Variants in FCER1A observed in about 807,000 individuals in gnomAD.
The protein encoded by FCER1A is high affinity immunoglobulin epsilon receptor subunit alpha.
A neutral mutation model predicts 23.6 loss-of-function variants in FCER1A; 24 were observed. That is an observed-to-expected ratio of 1.02 (90% CI 0.74 to 1.43). The LOEUF (loss-of-function observed/expected upper bound fraction) is 1.43, where lower values mean the gene tolerates loss of function less well. FCER1A is among the 40% of genes most tolerant of loss of function. The pLI, the probability that FCER1A is intolerant of heterozygous loss-of-function variation, is 0.00. For synonymous variants in FCER1A, 121 were observed against 108.8 expected, an observed-to-expected ratio of 1.11 and a Z score of -0.70; for missense variants, 318 against 294.5, an observed-to-expected ratio of 1.08 and a Z score of -0.58.
At chr1:159,301,435 T>C (rs1652426310), upstream of FCER1A, among the ~76,000 whole-genome samples, 1 of 152,144 alleles carries the variant, frequency 6.6e-6, no homozygotes, top group Non-Finnish European at 1.5e-5. Context: ...AGGGAGATCA[T>C]GTTGGGAAAT....
At chr1:159,301,766 T>G (rs1053117197), upstream of FCER1A, among the ~76,000 whole-genome samples, 2 of 152,168 alleles carry the variant, frequency 1.3e-5, no homozygotes, top group African/African-American at 4.8e-5. Context: ...AAACAGTACA[T>G]CATATGACTA....
In FCER1A at chr1:159,307,753, C is replaced by T. The variant is rs755540332; in HGVS notation, c.595C>T (p.Arg199Cys). The T allele has an allele frequency of 4.3e-5, 68 of 1,598,050 alleles. No homozygotes were observed. The highest frequency in any genetic ancestry group is 4.9e-5 in the Non-Finnish European group (57 of 1,167,794). The part of the protein sequence containing the change: ...PLNITVIKAP[R>C]EKYWLQFFIP... ...GCATCTGTGTTCCACTACAGCTCCG[C>T]GTGAGAAGTACTGGCTACAATTTTT... The change falls in exon 5 of 5, where the codon CGT becomes TGT. Residue 199 changes from arginine to cysteine, a missense_variant. Arg to Cys is a radical substitution (Grantham distance 180). Coordinates refer to ENST00000693622, the MANE Select transcript of FCER1A (RefSeq NM_001387280.1).
upstream of FCER1A, among the ~76,000 whole-genome samples, chr1:159,286,340 AT>A (rs3051939): frequency 7.4e-5 from 11 of 149,208 alleles, no homozygotes; most frequent in Middle Eastern, 3.5e-3. Context: ...TGTCTAAATC[AT>A]TTTTTTTTTG....
At chr1:159,286,033 T>C (rs2102209969), upstream of FCER1A, among the ~76,000 whole-genome samples, 1 of 151,600 alleles carries the variant, frequency 6.6e-6, no homozygotes, top group South Asian at 2.1e-4. Flanking sequence ...CTACCAAAAA[T>C]ACAAAAATTA....
At chr1:159,300,781 C>T (rs962728883), upstream of FCER1A, among the ~76,000 whole-genome samples, 14 of 152,124 alleles carry the variant, frequency 9.2e-5, no homozygotes, top group African/African-American at 3.4e-4. Flanking sequence ...ATGCATTTTA[C>T]TTCTTTTTTA....
chr1:159,295,003 CT>C (rs1378152061), intron 1 of FCER1A, among the ~76,000 whole-genome samples: 1 of 152,068 alleles, frequency 6.6e-6, no homozygotes, highest in Non-Finnish European at 1.5e-5. Context: ...CTGAAGTTAT[CT>C]TTTTTCTCTT....
upstream of FCER1A, among the ~76,000 whole-genome samples, chr1:159,286,526 G>T (rs963143420): frequency 6.6e-6 from 1 of 152,040 alleles, no homozygotes; most frequent in African/African-American, 2.4e-5. Flanking sequence ...TAGGGACAGG[G>T]TTTCACCATG....
At position 159,304,201 on chromosome 1, in the gene FCER1A, G is replaced by A. The variant is rs1402341019; in HGVS notation, c.331+19G>A. ...TTCAGTGGTAAGTTCCAGGGATATG[G>A]AAATACAGATCTCTCATGTGAGGGA... On this transcript the variant is annotated intron_variant, in intron 3 of 4. Transcript: ENST00000693622. 6.2e-7 allele frequency: 1 copy of A among 1,609,302 alleles called. No individual in the cohort carries two copies. Among genetic ancestry groups the A allele is most frequent in the Non-Finnish European group, 8.5e-7 (1 of 1,176,462 alleles).
At chr1:159,299,822 G>A (rs895870260), upstream of FCER1A, among the ~76,000 whole-genome samples, 6 of 151,936 alleles carry the variant, frequency 3.9e-5, no homozygotes, top group African/African-American at 4.8e-5. Flanking sequence ...GTATCAGCCC[G>A]TTCTTCCAGG....
intron 1 of FCER1A, among the ~76,000 whole-genome samples, chr1:159,290,773 T>A (rs1652130097): frequency 6.6e-6 from 1 of 152,190 alleles, no homozygotes; most frequent in Non-Finnish European, 1.5e-5. Context: ...CAGTTACCTG[T>A]GCTTATATTT....
At chr1:159,296,024 C>A (rs1234018514) in intron 1 of FCER1A, among the ~76,000 whole-genome samples, 1 of 152,062 alleles carries the variant, frequency 6.6e-6, no homozygotes, top group African/African-American at 2.4e-5. Flanking sequence ...AAGAGGAGAT[C>A]AAATAACATG....
At chr1:159,300,249 G>C (rs1033460238), upstream of FCER1A, among the ~76,000 whole-genome samples, 4 of 152,022 alleles carry the variant, frequency 2.6e-5, no homozygotes, top group Non-Finnish European at 4.4e-5. Flanking sequence ...ATCTAAGTAG[G>C]AGCTATTTAG....
Position 159,303,985 on chromosome 1 carries a change from A to G in FCER1A, c.134A>G (p.Glu45Gly), listed in dbSNP as rs1652521291. The change falls in exon 3 of 5, where the codon GAG (glutamate) becomes GGG (glycine). Residue 45 changes from glutamate to glycine, a missense_variant. Transcript: ENST00000693622. ...NPPWNRIFKG[E>G]NVTLTCNGNN... is the part of the protein sequence containing the mutation. Reference sequence around the variant, plus strand: ...CCATGGAATAGAATATTTAAAGGAGAGAATGTGACTCTTACATGTAATGGG... The same window carrying G: ...CCATGGAATAGAATATTTAAAGGAGGGAATGTGACTCTTACATGTAATGGG... 6.2e-7 allele frequency: 1 copy of G among 1,612,406 alleles called. No individual in the cohort carries two copies. Among genetic ancestry groups the G allele is most frequent in the Non-Finnish European group, 8.5e-7 (1 of 1,178,430 alleles).
At chr1:159,307,316 G>T (rs1371212646) in intron 4 of FCER1A, among the ~76,000 whole-genome samples, 1 of 152,150 alleles carries the variant, frequency 6.6e-6, no homozygotes, top group Non-Finnish European at 1.5e-5. Context: ...GAATTGGAAG[G>T]CAATTTAACT....
At chr1:159,291,299 G>A (rs971510332) in intron 1 of FCER1A, among the ~76,000 whole-genome samples, 2 of 152,036 alleles carry the variant, frequency 1.3e-5, no homozygotes, top group African/African-American at 4.8e-5. Context: ...AAGTGATCAA[G>A]TCCTAGATTT....
intron 2 of FCER1A, among the ~76,000 whole-genome samples, chr1:159,303,179 C>T (rs995069119): frequency 6.6e-6 from 1 of 151,988 alleles, no homozygotes; most frequent in Non-Finnish European, 1.5e-5. Flanking sequence ...TTATTATTGC[C>T]ATTTTATAAT....
intron 2 of FCER1A, 98 bp from the exon 3 acceptor site, chr1:159,303,830 T>C: frequency 1.1e-6 from 1 of 898,090 alleles, no homozygotes; most frequent in Non-Finnish European, 1.7e-6. Context: ...TGACCACTGA[T>C]TGTCAGAATA....
rs935942615 is a variant in FCER1A, at chr1:159,308,152, T to G, written c.*220T>G. The G allele has an allele frequency of 1.9e-5, 8 of 420,472 alleles. No individual in the cohort carries two copies. The highest frequency in any genetic ancestry group is 1.2e-3 in the Middle Eastern group (2 of 1,636). The allele number at this position is 420,472 out of a possible 1,614,324, so 26.0% of individuals were successfully genotyped here. On this transcript the variant is annotated 3_prime_UTR_variant, in exon 5 of 5. Transcript: ENST00000693622. ...ATGAGAGAATGAATAGATTCATTTATTAGCATTTGTAAAAGAGATGTTCAA... is the reference window on the plus strand; with the variant it reads ...ATGAGAGAATGAATAGATTCATTTAGTAGCATTTGTAAAAGAGATGTTCAA...
chr1:159,286,081 T>G (rs1652007838), upstream of FCER1A, among the ~76,000 whole-genome samples: 1 of 151,332 alleles, frequency 6.6e-6, no homozygotes, highest in Non-Finnish European at 1.5e-5. Context: ...TTCCAGCTAC[T>G]CAGGAGGCTG....
Sources: gnomAD v4.1 joint callset for allele counts (sites outside exome capture counted in the v4.1 genomes callset) on GRCh38, gnomAD v4.1.1 for gene constraint, MANE v1.5 for transcripts, NCBI Gene and HGNC (gene_info 2026-07-23, HGNC 2026-07-21) for gene names.